Variants in CTCF observed in about 807,000 individuals in gnomAD.
CTCF encodes transcriptional repressor CTCF.
A neutral mutation model predicts 72.3 loss-of-function variants in CTCF; 7 were observed. The ratio of observed to expected loss-of-function variants is 0.10; its 90% CI spans 0.06 to 0.18. The LOEUF is 0.18. CTCF is among the 10% of genes least tolerant of loss of function. CTCF has a pLI of 1.00. For synonymous variants in CTCF, 374 were observed against 315.8 expected, an observed-to-expected ratio of 1.18 and a Z score of -1.95; for missense variants, 516 against 949.1, an observed-to-expected ratio of 0.54 and a Z score of 6.00.
At chr16:67,598,619 T>G (rs1355258961) in intron 2 of CTCF, among the ~76,000 whole-genome samples, 1 of 152,226 alleles carries the variant, frequency 6.6e-6, no homozygotes, top group African/African-American at 2.4e-5. Context: ...AAAAATTTCC[T>G]TGAAGAAAAG....
In CTCF at chr16:67,601,484, G is replaced by A. The variant is rs142003301; in HGVS notation, c.-9-9340G>A. On this transcript the variant is annotated intron_variant, in intron 2 of 11. Transcript: ENST00000264010. ...CTTCCCAGTAGCTGGGACTACAGGC[G>A]CCTGCCACCACGCCCAGCTAATTTT... Among the ~76,000 whole-genome samples, 9 of 151,586 alleles carry A rather than the reference G, an allele frequency of 5.9e-5. No homozygotes were observed. In the East Asian group the frequency reaches 1.4e-3, roughly 23 times the overall value.
chr16:67,629,068 T>A (rs2052328545), intron 9 of CTCF, among the ~76,000 whole-genome samples: 5 of 149,762 alleles, frequency 3.3e-5, no homozygotes, highest in African/African-American at 9.8e-5. Flanking sequence ...AAAAAAAAAA[T>A]TTCCTTAGGT....
At chr16:67,617,222 G>C (rs993858721) in intron 5 of CTCF, among the ~76,000 whole-genome samples, 1 of 152,036 alleles carries the variant, frequency 6.6e-6, no homozygotes, top group African/African-American at 2.4e-5. Context: ...ATTTAGGCTG[G>C]GCCTGGTGGC....
intron 11 of CTCF, among the ~76,000 whole-genome samples, chr16:67,637,414 C>G (rs2052445760): frequency 6.6e-6 from 1 of 152,172 alleles, no homozygotes; most frequent in African/African-American, 2.4e-5. Flanking sequence ...CACCTGTAGT[C>G]CCATCTACTC....
rs767315010 is a variant in CTCF, at chr16:67,611,507, C to T, written c.675C>T (p.Val225=). Reference sequence around the variant, plus strand: ...AGGGCAAAGATGTAGATGTGTCTGTCTACGATTTTGAGGAAGAACAGCAGG... The same window carrying T: ...AGGGCAAAGATGTAGATGTGTCTGTTTACGATTTTGAGGAAGAACAGCAGG... ...TEEGKDVDVS[V]YDFEEEQQEG... The change falls in exon 3 of 12, where the codon GTC becomes GTT. Residue 225 remains valine (V), a synonymous_variant. Coordinates refer to ENST00000264010, the MANE Select transcript of CTCF (RefSeq NM_006565.4). 7 of 1,614,164 alleles carry T rather than the reference C, an allele frequency of 4.3e-6. No homozygotes were observed. The highest frequency in any genetic ancestry group is 2.2e-5 in the South Asian group (2 of 91,084).
chr16:67,602,035 C>T (rs1010768915), intron 2 of CTCF, among the ~76,000 whole-genome samples: 1 of 151,478 alleles, frequency 6.6e-6, no homozygotes, highest in African/African-American at 2.4e-5. Context: ...GGCTAATTTT[C>T]GTATTTTTAG....
chr16:67,620,085 G>C lies in CTCF; in HGVS notation c.1087-612G>C, dbSNP rs142055864. Among the ~76,000 whole-genome samples, 33 of 152,314 alleles carry C rather than the reference G, an allele frequency of 2.2e-4. No individual in the cohort carries two copies. The Middle Eastern group carries it at 0.017, about 78-fold the overall frequency. On this transcript the variant is annotated intron_variant, in intron 5 of 11. Transcript: ENST00000264010. ...AGTAACACAGGATTTGGAACAAATT[G>C]ATCTGTAAATAGGCATGGATTATTT...
intron 2 of CTCF, among the ~76,000 whole-genome samples, chr16:67,588,898 C>T (rs892712714): frequency 2.6e-5 from 4 of 151,960 alleles, no homozygotes; most frequent in Admixed American, 6.6e-5. Context: ...GCTATGTTGG[C>T]CAGGCTGGTC....
chr16:67,628,301 A>C (rs1006587823), intron 8 of CTCF, 69 bp from the exon 9 acceptor site: 1 of 1,467,690 alleles, frequency 6.8e-7, no homozygotes, highest in Non-Finnish European at 9.3e-7. Flanking sequence ...GGCCACATGC[A>C]TGCAGGTGGC....
chr16:67,606,306 A>T (rs1185778884), intron 2 of CTCF, among the ~76,000 whole-genome samples: 1 of 152,208 alleles, frequency 6.6e-6, no homozygotes, highest in Non-Finnish European at 1.5e-5. Flanking sequence ...CTCTGCCTTT[A>T]AATGTCCTGC....
At chr16:67,636,986 C>G (rs2052439849) in intron 11 of CTCF, 135 bp downstream of exon 11, 2 of 775,604 alleles carry the variant, frequency 2.6e-6, no homozygotes, top group African/African-American at 3.6e-5. Flanking sequence ...AACAAACTCT[C>G]AGGAAATGGC....
intron 7 of CTCF, among the ~76,000 whole-genome samples, chr16:67,626,058 G>A (rs1389392166): frequency 6.6e-6 from 1 of 151,784 alleles, no homozygotes; most frequent in African/African-American, 2.4e-5. Flanking sequence ...CACCTATCCT[G>A]TTTGAACAAT....
At chr16:67,614,895 G>A (rs111518411) in intron 4 of CTCF, 6,352 of 152,274 alleles carry the variant, frequency 0.042, 139 homozygotes, top group Non-Finnish European at 0.055. Flanking sequence ...CCAGCACTTC[G>A]GGAGGCTGAA....
chr16:67,601,867 T>A (rs2051896668), intron 2 of CTCF, among the ~76,000 whole-genome samples: 1 of 150,182 alleles, frequency 6.7e-6, no homozygotes, highest in African/African-American at 2.4e-5. Context: ...ACAAGCAATT[T>A]TTTTTTTTTT....
At chr16:67,633,466 G>A (rs1338498138) in intron 10 of CTCF, among the ~76,000 whole-genome samples, 1 of 152,164 alleles carries the variant, frequency 6.6e-6, no homozygotes, top group East Asian at 1.9e-4. Context: ...TGTGGCATTA[G>A]GGAGGAGAGC....
chr16:67,622,476 A>G (rs911245335), intron 7 of CTCF, among the ~76,000 whole-genome samples: 2 of 152,146 alleles, frequency 1.3e-5, no homozygotes, highest in Non-Finnish European at 2.9e-5. Context: ...TACAACTTGT[A>G]GTACCGTAAA....
chr16:67,568,754 T>C (rs2051373958), intron 1 of CTCF, among the ~76,000 whole-genome samples: 1 of 152,136 alleles, frequency 6.6e-6, no homozygotes, highest in Admixed American at 6.5e-5. Context: ...GGCTTTGAAC[T>C]CCTAGGCTCG....
intron 2 of CTCF, among the ~76,000 whole-genome samples, chr16:67,574,151 C>T (rs1054491423): frequency 3.3e-5 from 5 of 152,210 alleles, no homozygotes; most frequent in African/African-American, 9.6e-5. Context: ...AGATCCCACA[C>T]GTTTAGGGTT....
chr16:67,621,023 A>T (rs979544670), intron 6 of CTCF: 1 of 426,326 alleles, frequency 2.3e-6, no homozygotes, highest in Admixed American at 4.0e-5. Flanking sequence ...GTTTTGTTCA[A>T]CTTGAATCTG....
Sources: allele counts gnomAD v4.1 joint callset (sites outside exome capture counted in the v4.1 genomes callset), GRCh38; gene constraint gnomAD v4.1.1; transcripts MANE v1.5; gene names NCBI Gene and HGNC (gene_info 2026-07-23, HGNC 2026-07-21).